CUL2: variants seen among roughly 807,000 people sequenced by gnomAD.
The protein encoded by CUL2 is cullin-2.
Under a neutral mutation model 110.2 loss-of-function variants are expected in CUL2, and 22 were observed. The observed-to-expected ratio is 0.20, with a 90% confidence interval of 0.14 to 0.28. CUL2 has a LOEUF of 0.28. Ranked by LOEUF, CUL2 falls within the 10% of genes least tolerant of loss-of-function variation. The probability of loss-of-function intolerance (pLI) is 1.00; values close to 1 mark genes in which losing one functional copy is unlikely to be tolerated. For missense variants in CUL2, 631 were observed against 905.5 expected, an observed-to-expected ratio of 0.70 and a Z score of 3.89; for synonymous variants, 279 against 293.2, an observed-to-expected ratio of 0.95 and a Z score of 0.49.
At chr10:35,022,057 A>G (rs1033442960) in intron 17 of CUL2, among the ~76,000 whole-genome samples, 4 of 148,486 alleles carry the variant, frequency 2.7e-5, no homozygotes, top group Non-Finnish European at 4.5e-5. Context: ...CATTCAAAAC[A>G]CCGTACTGTA....
chr10:35,010,603 C>G (rs2084875398), intron 20 of CUL2, among the ~76,000 whole-genome samples, 161 bp from the exon 21 acceptor site: 1 of 152,124 alleles, frequency 6.6e-6, no homozygotes, highest in Non-Finnish European at 1.5e-5. Context: ...ATGGATACAG[C>G]AAAATCTAAT....
intron 9 of CUL2, among the ~76,000 whole-genome samples, chr10:35,038,666 C>A (rs2085696362): frequency 6.6e-6 from 1 of 150,612 alleles, no homozygotes; most frequent in Non-Finnish European, 1.5e-5. Flanking sequence ...ATTCTAAATG[C>A]ATTAAGGAAA....
intron 1 of CUL2, among the ~76,000 whole-genome samples, chr10:35,080,370 C>T (rs1192612910): frequency 6.6e-6 from 1 of 152,118 alleles, no homozygotes. Context: ...GTTTGACCCA[C>T]AGAGCTCTAA....
Position 35,016,292 on chromosome 10 carries a change from T to A in CUL2, c.1787A>T (p.Tyr596Phe). 6.2e-7 allele frequency: 1 copy of A among 1,614,112 alleles called. No homozygotes were observed. Reference protein sequence around the residue: ...LAFNNSETVSYKELQDSTQMN... With the variant: ...LAFNNSETVSFKELQDSTQMN... ...CTGAGTGCTGTCCTGAAGCTCTTTA[T>A]AACTGACAGTTTCACTGTTGTTAAA... Residue 596 changes from tyrosine to phenylalanine, a missense_variant, in exon 18 of 21, where the codon TAT becomes TTT. This residue lies in a region of CUL2 where 159 missense variants were observed against 202.7 expected (regional missense o/e 0.78). Transcript: ENST00000374749.
chr10:35,022,686 C>CAGTAA (rs200890116), intron 17 of CUL2, among the ~76,000 whole-genome samples: 4,498 of 152,124 alleles, frequency 0.03, 213 homozygotes, highest in African/African-American at 0.1. Flanking sequence ...CAGTTAGGAC[C>CAGTAA]AGTAAGTTCT....
At chr10:35,027,109 T>C (rs1293339703) in intron 16 of CUL2, among the ~76,000 whole-genome samples, 1 of 151,528 alleles carries the variant, frequency 6.6e-6, no homozygotes, top group Non-Finnish European at 1.5e-5. Context: ...TTACCTTTAA[T>C]AGATAGCTAC....
chr10:35,110,849 A>C (rs2135128073), intron 1 of CUL2, among the ~76,000 whole-genome samples: 1 of 152,250 alleles, frequency 6.6e-6, no homozygotes, highest in South Asian at 2.1e-4. Context: ...TCATATCTTT[A>C]ATGACCTAAT....
chr10:35,013,457 A>G (rs2084954037), intron 19 of CUL2, among the ~76,000 whole-genome samples: 1 of 152,208 alleles, frequency 6.6e-6, no homozygotes, highest in Non-Finnish European at 1.5e-5. Context: ...ATAGTTACAC[A>G]TTCTAATGGT....
chr10:35,033,729 T>C, intron 10 of CUL2, among the ~76,000 whole-genome samples: 1 of 142,400 alleles, frequency 7.0e-6, no homozygotes, highest in African/African-American at 2.7e-5. Context: ...AGAGTGAGAC[T>C]CCGTCTCAGA....
intron 5 of CUL2, among the ~76,000 whole-genome samples, chr10:35,051,475 A>AGGTGGCGGGCGC (rs1474374121): frequency 2.2e-5 from 3 of 139,044 alleles, no homozygotes; most frequent in African/African-American, 8.1e-5. Context: ...TAGCCGGGCG[A>AGGTGGCGGGCGC]GGTGGCGGGC....
Position 35,029,519 on chromosome 10 carries a change from A to G in CUL2, c.1508T>C (p.Leu503Ser). The G allele has an allele frequency of 6.4e-7, 1 of 1,567,742 alleles. No individual in the cohort carries two copies. ...FIKNQDTVID[L>S]GISFQIYVLQ... ...AACATATATTTGAAAACTAATTCCC[A>G]AATCTATTACTGTGTCTTGGTTTTT... is the stretch of plus-strand genomic sequence containing the variant. Residue 503 changes from leucine to serine, a missense_variant, in exon 15 of 21, where the codon TTG becomes TCG. Physicochemically the swap from Leu to Ser is moderately radical, Grantham distance 145 (BLOSUM62 -2). Transcript: ENST00000374749.
At chr10:35,013,603 T>C (rs2084956397) in intron 19 of CUL2, 96 bp downstream of exon 19, 3 of 724,078 alleles carry the variant, frequency 4.1e-6, no homozygotes, top group Admixed American at 6.9e-5. Context: ...TTAATTTTGC[T>C]GTGCAAAGTT....
At chr10:35,035,851 C>T (rs565945785) in intron 9 of CUL2, among the ~76,000 whole-genome samples, 1 of 152,340 alleles carries the variant, frequency 6.6e-6, no homozygotes, top group South Asian at 2.1e-4. Flanking sequence ...CAGCTGCCAA[C>T]AGCAGAGAGT....
At chr10:35,029,017 T>C in intron 15 of CUL2, 130 bp from the exon 16 acceptor site, 1 of 605,202 alleles carries the variant, frequency 1.7e-6, no homozygotes. Flanking sequence ...AATCTGAGTA[T>C]TTCTATCATG....
chr10:35,023,107 C>G (rs1220576241), intron 17 of CUL2, among the ~76,000 whole-genome samples: 2 of 152,148 alleles, frequency 1.3e-5, no homozygotes, highest in African/African-American at 4.8e-5. Flanking sequence ...GTTAAATGCT[C>G]TCACCACAAA....
At chr10:35,021,841 T>TGAGGG (rs2085202547) in intron 17 of CUL2, among the ~76,000 whole-genome samples, 1 of 73,198 alleles carries the variant, frequency 1.4e-5, no homozygotes. Context: ...CGAGGTGAGG[T>TGAGGG]GAGGTGAGGT....
intron 11 of CUL2, 113 bp downstream of exon 11, chr10:35,033,053 C>T: frequency 4.2e-6 from 2 of 473,050 alleles, no homozygotes; most frequent in South Asian, 5.2e-5. Context: ...ATCAAAATTA[C>T]TTAATCTCCA....
intron 17 of CUL2, 87 bp downstream of exon 17, chr10:35,025,043 CTG>C: frequency 1.5e-6 from 2 of 1,365,162 alleles, no homozygotes; most frequent in Non-Finnish European, 1.9e-6. Flanking sequence ...AGGTTAAAAA[CTG>C]TAATTGGGCC....
chr10:35,056,876 G>A (rs2086252659), intron 4 of CUL2, among the ~76,000 whole-genome samples: 1 of 152,122 alleles, frequency 6.6e-6, no homozygotes, highest in Non-Finnish European at 1.5e-5. Context: ...CATTTTGCCT[G>A]CTTTAATCAG....
Sources: allele counts gnomAD v4.1 joint callset (sites outside exome capture counted in the v4.1 genomes callset), GRCh38; gene constraint gnomAD v4.1.1; regional missense constraint gnomAD v4.1.1; transcripts MANE v1.5; gene names NCBI Gene and HGNC (gene_info 2026-07-23, HGNC 2026-07-21).